The following CYP39A1 variants were observed in gnomAD, a reference collection of about 807,000 sequenced individuals.
CYP39A1 encodes the protein 24-hydroxycholesterol 7-alpha-hydroxylase.
CYP39A1 carries 49 observed loss-of-function variants against 58.1 expected under a neutral mutation model. That is an observed-to-expected ratio of 0.84 (90% CI 0.67 to 1.07). The LOEUF (loss-of-function observed/expected upper bound fraction) is 1.07, where lower values mean the gene tolerates loss of function less well. Among genes scored for constraint, CYP39A1 ranks in the 50% least tolerant of loss-of-function variants. CYP39A1 has a pLI of 0.00. For synonymous variants in CYP39A1, 209 were observed against 187.6 expected (o/e 1.11, Z -0.93); for missense variants, 531 against 539.4 (o/e 0.98, Z 0.16).
chr6:46,582,139 C>A (rs534476760), intron 10 of CYP39A1, among the ~76,000 whole-genome samples: 1 of 152,274 alleles, frequency 6.6e-6, no homozygotes, highest in East Asian at 1.9e-4. Context: ...CAAGTAAATA[C>A]AATTCCTTTA....
intron 11 of CYP39A1, among the ~76,000 whole-genome samples, chr6:46,551,033 T>G (rs1033563767): frequency 6.6e-6 from 1 of 151,938 alleles, no homozygotes; most frequent in Non-Finnish European, 1.5e-5. Flanking sequence ...GTATTGTAAA[T>G]AATACAAAGA....
At chr6:46,608,768 CA>C (rs1774007728) in intron 7 of CYP39A1, among the ~76,000 whole-genome samples, 1 of 152,046 alleles carries the variant, frequency 6.6e-6, no homozygotes, top group Admixed American at 6.5e-5. Context: ...GCACTTGCCA[CA>C]AACCCGGCTA....
chr6:46,558,763 C>A (rs1466889360), intron 10 of CYP39A1, among the ~76,000 whole-genome samples: 1 of 151,974 alleles, frequency 6.6e-6, no homozygotes, highest in African/African-American at 2.4e-5. Flanking sequence ...TTTGGGAGGC[C>A]GAGGTGGGTG....
intron 10 of CYP39A1, chr6:46,583,529 T>A: frequency 2.0e-6 from 2 of 985,416 alleles, no homozygotes; most frequent in Non-Finnish European, 2.4e-6. Flanking sequence ...CTTTGCAAGC[T>A]ACAATTTCTG....
chr6:46,637,775 T>G, intron 4 of CYP39A1, 54 bp downstream of exon 4: 1 of 1,571,808 alleles, frequency 6.4e-7, no homozygotes. Context: ...TGAGAGGTGT[T>G]GAATTGCTGA....
At chr6:46,635,124 G>C (rs1314691422) in intron 5 of CYP39A1, among the ~76,000 whole-genome samples, 1 of 152,128 alleles carries the variant, frequency 6.6e-6, no homozygotes, top group Non-Finnish European at 1.5e-5. Flanking sequence ...AAGCAAAGCT[G>C]TTTGTGATAA....
At chr6:46,567,338 A>ATATG (rs1491431877) in intron 10 of CYP39A1, among the ~76,000 whole-genome samples, 4 of 138,180 alleles carry the variant, frequency 2.9e-5, no homozygotes, top group African/African-American at 9.8e-5. Context: ...AAAATATTCC[A>ATATG]TATATATATA....
At chr6:46,644,028 T>C (rs13197769) in intron 1 of CYP39A1, among the ~76,000 whole-genome samples, 16,590 of 152,220 alleles carry the variant, frequency 0.11, 918 homozygotes, top group South Asian at 0.17. Context: ...TATAGTACAG[T>C]ATCACAACCA....
chr6:46,644,507 C>A (rs1348561144), intron 1 of CYP39A1, among the ~76,000 whole-genome samples: 1 of 152,060 alleles, frequency 6.6e-6, no homozygotes, highest in Non-Finnish European at 1.5e-5. Flanking sequence ...GGCAACACAG[C>A]AAGACTGTCT....
At chr6:46,596,388 T>C (rs1773165055) in intron 7 of CYP39A1, among the ~76,000 whole-genome samples, 1 of 152,088 alleles carries the variant, frequency 6.6e-6, no homozygotes, top group African/African-American at 2.4e-5. Context: ...CCCACAGTCT[T>C]ATAGCTATCA....
chr6:46,568,557 T>C (rs1315477929), intron 10 of CYP39A1, among the ~76,000 whole-genome samples: 1 of 152,248 alleles, frequency 6.6e-6, no homozygotes, highest in East Asian at 1.9e-4. Context: ...TGAGTTAATT[T>C]TGGTGTATGG....
At position 46,599,086 on chromosome 6, in the gene CYP39A1, G is replaced by A. The variant is rs6901543; in HGVS notation, c.932-2966C>T. ...TGGGGTTGCATATGCAACACGAATT[G>A]GGGGCCAGGTCTGAGGAATTCCTTC... On this transcript the variant is annotated intron_variant, in intron 7 of 11. Coordinates refer to ENST00000275016, the MANE Select transcript of CYP39A1 (RefSeq NM_016593.5). 6.2e-3 allele frequency among the ~76,000 whole-genome samples: 951 copies of A among 152,212 alleles called. 7 individuals are homozygous for A. The highest frequency in any genetic ancestry group is 0.022 in the African/African-American group (896 of 41,544).
rs560713433 is a variant in CYP39A1, at chr6:46,608,599, T to C, written c.932-12479A>G. On this transcript the variant is annotated intron_variant, in intron 7 of 11. Coordinates refer to ENST00000275016, the MANE Select transcript of CYP39A1 (RefSeq NM_016593.5). ...CTGAAGTAGATAATACCATTCACAA[T>C]AGGTTTTATTTTATTTATTTATTTT... 7.9e-5 allele frequency among the ~76,000 whole-genome samples: 12 copies of C among 152,104 alleles called. No homozygotes were observed. The South Asian group carries it at 2.1e-3, about 26-fold the overall frequency.
chr6:46,608,553 C>T (rs1351590486), intron 7 of CYP39A1, among the ~76,000 whole-genome samples: 1 of 152,000 alleles, frequency 6.6e-6, no homozygotes, highest in Admixed American at 6.6e-5. Flanking sequence ...TATATACTCA[C>T]TCTTACGGAG....
At chr6:46,600,251 C>T (rs919039408) in intron 7 of CYP39A1, among the ~76,000 whole-genome samples, 32 of 152,074 alleles carry the variant, frequency 2.1e-4, no homozygotes, top group African/African-American at 7.5e-4. Flanking sequence ...TCCTGAGTTG[C>T]TGGGATTACC....
chr6:46,571,000 A>G (rs1350013736), intron 10 of CYP39A1, among the ~76,000 whole-genome samples: 1 of 152,164 alleles, frequency 6.6e-6, no homozygotes, highest in Non-Finnish European at 1.5e-5. Flanking sequence ...ATTCAGTAGT[A>G]TGTTGTTTAA....
At chr6:46,579,169 T>C (rs1485099587) in intron 10 of CYP39A1, among the ~76,000 whole-genome samples, 1 of 152,090 alleles carries the variant, frequency 6.6e-6, no homozygotes, top group Non-Finnish European at 1.5e-5. Context: ...TTACTTTGTT[T>C]ACTTTATTTA....
At chr6:46,621,659 T>G (rs1774965308) in intron 7 of CYP39A1, among the ~76,000 whole-genome samples, 1 of 152,092 alleles carries the variant, frequency 6.6e-6, no homozygotes, top group Non-Finnish European at 1.5e-5. Flanking sequence ...GTAGAAAGAC[T>G]GAATTAATCA....
intron 10 of CYP39A1, among the ~76,000 whole-genome samples, chr6:46,576,316 C>T (rs908251062): frequency 1.3e-5 from 2 of 152,242 alleles, no homozygotes; most frequent in East Asian, 3.9e-4. Flanking sequence ...GGATGTAGAT[C>T]CAAACCATAT....
Sources: gnomAD v4.1 joint callset for allele counts (sites outside exome capture counted in the v4.1 genomes callset) on GRCh38, gnomAD v4.1.1 for gene constraint, MANE v1.5 for transcripts, NCBI Gene and HGNC (gene_info 2026-07-23, HGNC 2026-07-21) for gene names.